Variants in SNF8 observed in about 807,000 individuals in gnomAD.
SNF8 encodes the protein vacuolar-sorting protein SNF8.
A neutral mutation model predicts 36.8 loss-of-function variants in SNF8; 19 were observed. The ratio of observed to expected loss-of-function variants is 0.52; its 90% CI spans 0.36 to 0.76. The LOEUF is 0.76. SNF8 is among the 30% of genes least tolerant of loss of function. The pLI is 0.00. For missense variants in SNF8, 268 were observed against 322.9 expected, an observed-to-expected ratio of 0.83 and a Z score of 1.30; for synonymous variants, 127 against 127.4, an observed-to-expected ratio of 1.00 and a Z score of 0.02.
intron 5 of SNF8, 63 bp downstream of exon 5, chr17:48,936,107 G>A (rs1410954911): frequency 1.7e-6 from 2 of 1,166,200 alleles, no homozygotes; most frequent in Non-Finnish European, 2.6e-6. Context: ...AGGGAGAAAA[G>A]AGTTCCATCT....
intron 3 of SNF8, among the ~76,000 whole-genome samples, chr17:48,939,606 T>C (rs2040990767): frequency 1.3e-5 from 2 of 150,854 alleles, no homozygotes; most frequent in East Asian, 2.0e-4. Context: ...ATTACAGGCA[T>C]GTGCCACCAT....
At chr17:48,933,179 A>G (rs1322598463) in intron 6 of SNF8, 26 bp downstream of exon 6, 1 of 1,611,192 alleles carries the variant, frequency 6.2e-7, no homozygotes, top group South Asian at 1.1e-5. Flanking sequence ...CCTTGCACAC[A>G]CACACACTCG....
At chr17:48,936,058 G>T in intron 5 of SNF8, 112 bp downstream of exon 5, 6 of 717,520 alleles carry the variant, frequency 8.4e-6, no homozygotes, top group Non-Finnish European at 1.2e-5. Flanking sequence ...ATGATATGGA[G>T]ATCATACAGA....
chr17:48,930,983 A>G (rs1397900609), intron 7 of SNF8, among the ~76,000 whole-genome samples: 1 of 152,224 alleles, frequency 6.6e-6, no homozygotes, highest in Non-Finnish European at 1.5e-5. Flanking sequence ...GAATTAAGTT[A>G]TTCCGGGTAG....
chr17:48,930,638 G>GT, intron 7 of SNF8, 26 bp from the exon 8 acceptor site: 1 of 1,609,232 alleles, frequency 6.2e-7, no homozygotes, highest in South Asian at 1.1e-5. Context: ...AAGAAGAGCA[G>GT]TTTGAGAACA....
chr17:48,929,615 T>A lies in SNF8; in HGVS notation c.*860A>T, dbSNP rs986526096. The A allele has an allele frequency of 2.0e-5, 3 of 152,178 alleles. No individual in the cohort carries two copies. The highest frequency in any genetic ancestry group is 2.9e-5 in the Non-Finnish European group (2 of 68,050). The allele number at this position is 152,178 out of a possible 1,614,324, so 9.4% of individuals were successfully genotyped here. A position where few individuals can be genotyped will look rare whatever the true frequency, so the allele number is the denominator to read the frequency against. ...TGTAGAAAAATGTCTACACACAGTA[T>A]GTGCTGCCATTCTGTACTATGCAGT... On this transcript the variant is annotated 3_prime_UTR_variant, in exon 8 of 8. Coordinates refer to ENST00000502492, the MANE Select transcript of SNF8 (RefSeq NM_007241.4).
intron 3 of SNF8, among the ~76,000 whole-genome samples, chr17:48,939,108 A>G (rs1254949576): frequency 1.3e-5 from 2 of 149,810 alleles, no homozygotes; most frequent in African/African-American, 4.9e-5. Flanking sequence ...AATACAAAAA[A>G]TTAGCCGGGC....
intron 6 of SNF8, chr17:48,931,946 G>A (rs1330864840): frequency 2.3e-5 from 9 of 397,112 alleles, no homozygotes; most frequent in South Asian, 7.3e-5. Context: ...GGCCAGGCAC[G>A]GCAGCTCATG....
chr17:48,931,845 A>G, intron 6 of SNF8, 128 bp from the exon 7 acceptor site: 1 of 683,396 alleles, frequency 1.5e-6, no homozygotes, highest in South Asian at 2.0e-5. Context: ...AGAACACAGA[A>G]AATGTTTAAA....
chr17:48,939,628 T>G (rs2143812831), intron 3 of SNF8, among the ~76,000 whole-genome samples: 1 of 151,538 alleles, frequency 6.6e-6, no homozygotes, highest in East Asian at 2.0e-4. Flanking sequence ...CCTGGCTAAT[T>G]TTTTGTATTT....
At chr17:48,944,621 G>A in intron 1 of SNF8, 60 bp downstream of exon 1, 2 of 1,560,616 alleles carry the variant, frequency 1.3e-6, no homozygotes, top group Non-Finnish European at 1.8e-6. Flanking sequence ...CACTGCTCCG[G>A]GACAATTCAG....
chr17:48,936,240 G>C lies in SNF8; in HGVS notation c.352C>G (p.Leu118Val), dbSNP rs1489681400. ...TGATGTAGTTCCTCCAAAGTTATCA[G>C]ACCTGTTTGGAGACAGGGAACAGAA... Reference protein sequence around the residue: ...CLALKHRNGGLITLEELHQQV... With the variant: ...CLALKHRNGGVITLEELHQQV... The change falls in exon 5 of 8, where the codon CTG becomes GTG. Residue 118 changes from leucine to valine, a missense_variant and splice_region_variant. Leu to Val is a conservative substitution (Grantham distance 32). Coordinates refer to ENST00000502492, the MANE Select transcript of SNF8 (RefSeq NM_007241.4). 1 of 1,613,098 alleles carries C rather than the reference G, an allele frequency of 6.2e-7. No individual in the cohort carries two copies. The highest frequency in any genetic ancestry group is 1.7e-5 in the Admixed American group (1 of 60,000).
Position 48,937,084 on chromosome 17 carries a change from G to C in SNF8, c.285C>G (p.Asp95Glu). 6.2e-7 allele frequency: 1 copy of C among 1,614,136 alleles called. No individual in the cohort carries two copies. The highest frequency in any genetic ancestry group is 8.5e-7 in the Non-Finnish European group (1 of 1,180,012). The change falls in exon 4 of 8, where the codon GAC (aspartate) becomes GAG (glutamate). Residue 95 changes from aspartate (D) to glutamate (E), a missense_variant. By Grantham distance (45) the Asp-to-Glu change is conservative. Transcript: ENST00000502492. Reference sequence around the variant, plus strand: ...TTTGGACACCTAGTTCGTAATAGAAGTCCCCCACGCCCAGCATCTCAGACC... The same window carrying C: ...TTTGGACACCTAGTTCGTAATAGAACTCCCCCACGCCCAGCATCTCAGACC... ...GFWSEMLGVG[D>E]FYYELGVQII...
chr17:48,934,210 A>G lies in SNF8; in HGVS notation c.423-864T>C, dbSNP rs9901388. On this transcript the variant is annotated intron_variant, in intron 5 of 7. Coordinates refer to ENST00000502492, the MANE Select transcript of SNF8 (RefSeq NM_007241.4). ...GGCACTTTTAGGTAGATTGGAATGC[A>G]TTCTCCAACCCCCAAAGAATAGCAA... Among the ~76,000 whole-genome samples, 311 of 152,316 alleles carry G rather than the reference A, an allele frequency of 2.0e-3. 1 individual carries two copies. The highest frequency in any genetic ancestry group is 7.2e-3 in the African/African-American group (301 of 41,566).
chr17:48,931,556 C>T, intron 7 of SNF8, 87 bp downstream of exon 7: 1 of 1,084,840 alleles, frequency 9.2e-7, no homozygotes, highest in Non-Finnish European at 1.4e-6. Context: ...GCCAGCAAAG[C>T]AATGCTGAAG....
At chr17:48,941,618 C>T (rs528031327) in intron 2 of SNF8, among the ~76,000 whole-genome samples, 29 of 152,116 alleles carry the variant, frequency 1.9e-4, no homozygotes, top group Admixed American at 8.5e-4. Context: ...AATCCCACAA[C>T]GGATCACTTG....
intron 3 of SNF8, among the ~76,000 whole-genome samples, chr17:48,939,956 T>G (rs2040995529): frequency 6.8e-6 from 1 of 147,696 alleles, no homozygotes; most frequent in South Asian, 2.2e-4. Context: ...AGGCCTGTAA[T>G]CCCAGCTACT....
Position 48,944,827 on chromosome 17 carries a change from G to A in SNF8, c.-93C>T. 7.1e-7 allele frequency: 1 copy of A among 1,402,474 alleles called. No homozygotes were observed. Among genetic ancestry groups the A allele is most frequent in the Non-Finnish European group, 9.2e-7 (1 of 1,089,326 alleles). 86.9% of individuals were successfully genotyped at this position (1,402,474 alleles called of 1,614,324 possible). A position where few individuals can be genotyped will look rare whatever the true frequency, so the allele number is the denominator to read the frequency against. ...CCGGCTCCCCAAGGCGGAAGCCCGA[G>A]CCGCGCGTCATCTGCACGCGCCGGA... On this transcript the variant is annotated 5_prime_UTR_variant, in exon 1 of 8. Coordinates refer to ENST00000502492, the MANE Select transcript of SNF8 (RefSeq NM_007241.4).
intron 5 of SNF8, chr17:48,934,657 A>T (rs2143799690): frequency 6.5e-6 from 1 of 154,820 alleles, no homozygotes; most frequent in African/African-American, 2.4e-5. Context: ...CCCAGGCTGG[A>T]GTGCAGTGGT....
Sources: gnomAD v4.1 joint callset for allele counts (sites outside exome capture counted in the v4.1 genomes callset) on GRCh38, gnomAD v4.1.1 for gene constraint, MANE v1.5 for transcripts, NCBI Gene and HGNC (gene_info 2026-07-23, HGNC 2026-07-21) for gene names.